Variants in EYS observed in about 807,000 individuals in gnomAD.
EYS encodes EGF-like photoreceptor maintenance factor, also known as protein eyes shut homolog.
EYS carries 250 observed loss-of-function variants against 282.1 expected under a neutral mutation model. The observed-to-expected ratio is 0.89, with a 90% CI of 0.80 to 0.98. The LOEUF is 0.98. Among genes scored for constraint, EYS ranks in the 50% least tolerant of loss-of-function variants. The pLI, the probability that EYS is intolerant of heterozygous loss-of-function variation, is 0.00. For missense variants in EYS, 4,016 were observed against 3,709.0 expected (o/e 1.08, Z -2.15); for synonymous variants, 1,355 against 1,282.9 (o/e 1.06, Z -1.20).
At chr6:64,918,473 C>G (rs1253460725) in intron 15 of EYS, among the ~76,000 whole-genome samples, 2 of 152,052 alleles carry the variant, frequency 1.3e-5, no homozygotes, top group Non-Finnish European at 2.9e-5. Flanking sequence ...TTGTTTGTTT[C>G]TAAGCCTGGG....
At chr6:64,511,183 G>A (rs1033602507) in intron 26 of EYS, among the ~76,000 whole-genome samples, 5 of 140,248 alleles carry the variant, frequency 3.6e-5, no homozygotes, top group African/African-American at 1.2e-4. Flanking sequence ...AGGTTGCAGT[G>A]TAGTTGACCC....
intron 16 of EYS, among the ~76,000 whole-genome samples, chr6:64,903,150 T>C (rs1044212692): frequency 6.6e-6 from 1 of 152,114 alleles, no homozygotes; most frequent in Non-Finnish European, 1.5e-5. Flanking sequence ...ATATTTATAA[T>C]AAACAGTTAA....
chr6:65,483,646 C>A (rs10944812), intron 5 of EYS, among the ~76,000 whole-genome samples: 57,653 of 151,718 alleles, frequency 0.38, 11,146 homozygotes, highest in Admixed American at 0.44. Context: ...TGAAGAAACC[C>A]ATAATAAAAT....
At chr6:64,318,792 G>T (rs1255448296) in intron 29 of EYS, among the ~76,000 whole-genome samples, 1 of 151,404 alleles carries the variant, frequency 6.6e-6, no homozygotes, top group Non-Finnish European at 1.5e-5. Flanking sequence ...ATATATAGTA[G>T]GTATAGATAT....
intron 11 of EYS, among the ~76,000 whole-genome samples, chr6:65,311,908 T>C (rs1181717045): frequency 6.6e-6 from 1 of 152,220 alleles, no homozygotes; most frequent in East Asian, 1.9e-4. Context: ...TATAAGTATG[T>C]CCTATGCATA....
chr6:64,594,558 G>A (rs935526043), intron 24 of EYS, among the ~76,000 whole-genome samples: 1 of 151,870 alleles, frequency 6.6e-6, no homozygotes. Flanking sequence ...GGATGAAGCT[G>A]GAAACCATCA....
chr6:64,946,612 C>G (rs1404987317), intron 14 of EYS, among the ~76,000 whole-genome samples: 1 of 151,884 alleles, frequency 6.6e-6, no homozygotes, highest in Non-Finnish European at 1.5e-5. Context: ...TGTAGAGAAT[C>G]TAGATATAGC....
intron 14 of EYS, among the ~76,000 whole-genome samples, chr6:64,955,660 C>T (rs1769678089): frequency 6.6e-6 from 1 of 152,154 alleles, no homozygotes. Context: ...GCTCCCTATC[C>T]CATGGGTTTT....
chr6:65,651,841 T>C (rs1036995231), intron 1 of EYS, among the ~76,000 whole-genome samples: 14 of 152,058 alleles, frequency 9.2e-5, no homozygotes, highest in African/African-American at 3.4e-4. Flanking sequence ...CAGTGCTATA[T>C]TAGCAGTCAT....
chr6:63,904,669 G>A (rs892280577), intron 35 of EYS, among the ~76,000 whole-genome samples: 1 of 152,176 alleles, frequency 6.6e-6, no homozygotes, highest in African/African-American at 2.4e-5. Flanking sequence ...GAACTGAGAG[G>A]TGTCTGTCAT....
chr6:63,810,031 G>C (rs1203452132), intron 36 of EYS, among the ~76,000 whole-genome samples: 1 of 150,480 alleles, frequency 6.6e-6, no homozygotes, highest in Non-Finnish European at 1.5e-5. Flanking sequence ...CATGAGGTCA[G>C]GAGATCCAGA....
At chr6:64,582,040 C>T (rs1316662898) in intron 26 of EYS, among the ~76,000 whole-genome samples, 1 of 152,152 alleles carries the variant, frequency 6.6e-6, no homozygotes, top group Non-Finnish European at 1.5e-5. Flanking sequence ...ATCGTTATAT[C>T]AGATGCTGGC....
intron 11 of EYS, among the ~76,000 whole-genome samples, chr6:65,322,881 C>A (rs1386176167): frequency 4.0e-5 from 6 of 150,444 alleles, no homozygotes; most frequent in Admixed American, 4.0e-4. Flanking sequence ...TCCATCCATA[C>A]CTCAGTGGCT....
rs189713481 is a variant in EYS at position 65,370,736 on chromosome 6, A to G, written c.1299+13650T>C. ...TCTGACTATCTCATTACTAAGAAAG[A>G]GTTCTCCTGCTCAGTTTCTATAGTC... On this transcript the variant is annotated intron_variant, in intron 8 of 42. Coordinates refer to ENST00000503581, the MANE Select transcript of EYS (RefSeq NM_001142800.2). Among the ~76,000 whole-genome samples the G allele has an allele frequency of 1.5e-3, 232 of 151,974 alleles. 22 individuals are homozygous for G. Among genetic ancestry groups the G allele is most frequent in the Admixed American group, 0.015 (222 of 15,034 alleles).
intron 15 of EYS, among the ~76,000 whole-genome samples, chr6:64,916,507 T>C (rs1192935285): frequency 6.6e-6 from 1 of 152,236 alleles, no homozygotes; most frequent in Non-Finnish European, 1.5e-5. Context: ...CCTACAGGTT[T>C]ACATATTTGA....
At chr6:64,034,587 A>C (rs75418085) in intron 33 of EYS, among the ~76,000 whole-genome samples, 2,530 of 152,300 alleles carry the variant, frequency 0.017, 46 homozygotes, top group African/African-American at 0.051. Context: ...GGTCATAACC[A>C]AGAGCAATTA....
intron 8 of EYS, among the ~76,000 whole-genome samples, chr6:65,361,963 AC>A (rs1764726922): frequency 6.6e-6 from 1 of 152,122 alleles, no homozygotes; most frequent in Non-Finnish European, 1.5e-5. Context: ...ATTCTAAAAC[AC>A]ATACGAGTAA....
chr6:64,593,795 C>G (rs1054066244), intron 24 of EYS, among the ~76,000 whole-genome samples: 4 of 152,048 alleles, frequency 2.6e-5, no homozygotes, highest in Non-Finnish European at 5.9e-5. Context: ...TAGGAATGAT[C>G]TTTATGTGTT....
chr6:64,966,040 T>A (rs1195890414), intron 14 of EYS, among the ~76,000 whole-genome samples: 1 of 152,014 alleles, frequency 6.6e-6, no homozygotes, highest in South Asian at 2.1e-4. Context: ...GGTTGCGAAA[T>A]GGGTATAAAG....
Sources: gnomAD v4.1 joint callset for allele counts (sites outside exome capture counted in the v4.1 genomes callset) on GRCh38, gnomAD v4.1.1 for gene constraint, MANE v1.5 for transcripts, NCBI Gene and HGNC (gene_info 2026-07-23, HGNC 2026-07-21) for gene names.